STK3: variants seen among roughly 807,000 people sequenced by gnomAD.
The protein encoded by STK3 is serine/threonine-protein kinase 3.
Under a neutral mutation model 58.0 loss-of-function variants are expected in STK3, and 41 were observed. The observed-to-expected ratio is 0.71, with a 90% CI of 0.55 to 0.92. STK3 has a LOEUF of 0.92. STK3 is among the 40% of genes least tolerant of loss of function. The pLI, the probability that STK3 is intolerant of heterozygous loss-of-function variation, is 0.00. For synonymous variants in STK3, 170 were observed against 191.0 expected, an observed-to-expected ratio of 0.89 and a Z score of 0.91; for missense variants, 479 against 602.7, an observed-to-expected ratio of 0.79 and a Z score of 2.15.
chr8:98,633,404 A>G, intron 6 of STK3: 1 of 464,694 alleles, frequency 2.2e-6, no homozygotes, highest in Non-Finnish European at 4.0e-6. Context: ...TCAATCTAGC[A>G]GCATCATGAA....
At chr8:98,893,486 G>GAAAGAAGGAAAGAGAA (rs776247646) in intron 1 of STK3, among the ~76,000 whole-genome samples, 4 of 42,998 alleles carry the variant, frequency 9.3e-5, no homozygotes. Flanking sequence ...AAGAAAGAAA[G>GAAAGAAGGAAAGAGAA]AGAAAGAAAG....
At chr8:98,888,021 A>G (rs1227082901) in intron 1 of STK3, among the ~76,000 whole-genome samples, 2 of 152,162 alleles carry the variant, frequency 1.3e-5, no homozygotes, top group Non-Finnish European at 2.9e-5. Context: ...GTGGATCTAA[A>G]GTCTGAACTA....
intron 10 of STK3, among the ~76,000 whole-genome samples, chr8:98,487,488 T>C (rs921093022): frequency 6.6e-6 from 1 of 152,154 alleles, no homozygotes. Flanking sequence ...TGAATTGATA[T>C]CTCCAGTCTG....
chr8:98,901,362 TC>T (rs937944891), intron 1 of STK3, among the ~76,000 whole-genome samples: 1 of 152,198 alleles, frequency 6.6e-6, no homozygotes, highest in Admixed American at 6.5e-5. Flanking sequence ...GGCTTCTCCT[TC>T]CCCCATCCAA....
chr8:98,818,326 T>C (rs1039298175), intron 1 of STK3, among the ~76,000 whole-genome samples: 1 of 152,192 alleles, frequency 6.6e-6, no homozygotes, highest in African/African-American at 2.4e-5. Flanking sequence ...GCATCTGGAA[T>C]GTGGAAAACA....
At chr8:98,760,076 GT>G (rs1043598513) in intron 3 of STK3, among the ~76,000 whole-genome samples, 1 of 151,146 alleles carries the variant, frequency 6.6e-6, no homozygotes, top group African/African-American at 2.4e-5. Context: ...CCAACATGCA[GT>G]TAGCTGAATC....
chr8:98,597,309 T>A, intron 6 of STK3: 1 of 985,444 alleles, frequency 1.0e-6, no homozygotes, highest in Non-Finnish European at 1.2e-6. Context: ...TATCCAAGTC[T>A]GTTGATTATA....
intron 7 of STK3, among the ~76,000 whole-genome samples, chr8:98,583,845 ATGTGTGTG>A (rs529496460): frequency 5.5e-5 from 8 of 144,654 alleles, no homozygotes; most frequent in South Asian, 2.2e-4. Context: ...GAGAGAGTGT[ATGTGTGTG>A]TGTGTGTGTG....
At chr8:98,661,533 T>G (rs1345859355) in intron 6 of STK3, among the ~76,000 whole-genome samples, 2 of 152,044 alleles carry the variant, frequency 1.3e-5, no homozygotes, top group Non-Finnish European at 2.9e-5. Context: ...ATCTGTTTCC[T>G]ATACTGATGC....
chr8:98,725,151 A>G (rs1169698405), intron 4 of STK3, among the ~76,000 whole-genome samples: 2 of 152,206 alleles, frequency 1.3e-5, no homozygotes, highest in Non-Finnish European at 2.9e-5. Flanking sequence ...TGTTACACAC[A>G]CATAAGACCT....
chr8:98,689,282 T>G (rs4517094), intron 6 of STK3, among the ~76,000 whole-genome samples: 49,023 of 151,474 alleles, frequency 0.32, 8,194 homozygotes, highest in Admixed American at 0.43. Flanking sequence ...ATGAACAAAA[T>G]CCCCCAAAGA....
chr8:98,869,025 AG>A (rs1837252667), intron 3 of STK3, among the ~76,000 whole-genome samples: 1 of 42,480 alleles, frequency 2.4e-5, no homozygotes, highest in Non-Finnish European at 5.3e-5. Flanking sequence ...AAAGGAAAGA[AG>A]GAAGGAAGGA....
Position 98,672,000 on chromosome 8 carries a change from C to T in STK3, c.684+34467G>A, listed in dbSNP as rs561927941. Among the ~76,000 whole-genome samples the T allele has an allele frequency of 2.6e-5, 4 of 152,286 alleles. No homozygotes were observed. The South Asian group carries it at 8.3e-4, about 32-fold the overall frequency. On this transcript the variant is annotated intron_variant, in intron 6 of 10. Transcript: ENST00000419617. ...TCTCCTGCCACCCTGTGAAGAGGTG[C>T]CTTCCACCATGATTATAAGTTTCCT...
intron 6 of STK3, among the ~76,000 whole-genome samples, chr8:98,621,412 T>C (rs1206015311): frequency 6.6e-6 from 1 of 152,202 alleles, no homozygotes; most frequent in African/African-American, 2.4e-5. Context: ...CTTGCCTTTT[T>C]GAGCTGGCAA....
In STK3 at chr8:98,734,519, C is replaced by A. The variant is rs1030384428; in HGVS notation, c.351+14757G>T. 6.1e-4 allele frequency among the ~76,000 whole-genome samples: 93 copies of A among 152,098 alleles called. 3 individuals are homozygous for A. The highest frequency in any genetic ancestry group is 8.8e-5 in the Non-Finnish European group (6 of 68,000). On this transcript the variant is annotated intron_variant, in intron 4 of 10. Coordinates refer to ENST00000419617, the MANE Select transcript of STK3 (RefSeq NM_006281.4). The stretch of plus-strand genomic sequence containing the variant: ...TTTTCTTAGAATGTTTTTAAGTATA[C>A]AATAAACATCCAAAATATAGACTCT...
At chr8:98,499,517 A>T (rs763347541) in intron 10 of STK3, among the ~76,000 whole-genome samples, 63 of 152,206 alleles carry the variant, frequency 4.1e-4, no homozygotes, top group Non-Finnish European at 6.8e-4. Context: ...AGATTGCCTA[A>T]AACAGATTTT....
chr8:98,466,026 T>A (rs1820436853), intron 10 of STK3, among the ~76,000 whole-genome samples: 2 of 152,226 alleles, frequency 1.3e-5, no homozygotes, highest in Admixed American at 1.3e-4. Flanking sequence ...AAGCAACCAG[T>A]AATTAAATCT....
intron 3 of STK3, among the ~76,000 whole-genome samples, chr8:98,418,138 C>T (rs1164603468): frequency 1.3e-5 from 2 of 152,182 alleles, no homozygotes. Flanking sequence ...TCTTAAATTC[C>T]TGGTCTCAAG....
chr8:98,597,639 G>T lies in STK3; in HGVS notation c.685-1470C>A, dbSNP rs542005122. 1.5e-4 allele frequency: 145 copies of T among 985,386 alleles called. 1 individual carries two copies. In the African/African-American group the frequency reaches 2.5e-3, roughly 17 times the overall value. The allele number at this position is 985,386 out of a possible 1,614,324, so 61.0% of individuals were successfully genotyped here. The stretch of plus-strand genomic sequence containing the variant: ...CACATTGCCACAAGATGAATCTGCT[G>T]TAATTAGACTAATTTAAACTAGGAC... On this transcript the variant is annotated intron_variant, in intron 6 of 10. Coordinates refer to ENST00000419617, the MANE Select transcript of STK3 (RefSeq NM_006281.4).
Sources: gnomAD v4.1 joint callset for allele counts (sites outside exome capture counted in the v4.1 genomes callset) on GRCh38, gnomAD v4.1.1 for gene constraint, MANE v1.5 for transcripts, NCBI Gene and HGNC (gene_info 2026-07-23, HGNC 2026-07-21) for gene names.